Variants in TTC12 observed in about 807,000 individuals in gnomAD.
TTC12 encodes the protein tetratricopeptide repeat protein 12.
In TTC12, 70 loss-of-function variants were observed where a neutral mutation model predicts 90.1. That is an observed-to-expected ratio of 0.78 (90% CI 0.64 to 0.95). The LOEUF (loss-of-function observed/expected upper bound fraction) is 0.95, where lower values mean the gene tolerates loss of function less well. Among genes scored for constraint, TTC12 ranks in the 40% least tolerant of loss-of-function variants. The pLI is 0.00. For missense variants in TTC12, 819 were observed against 846.1 expected (o/e 0.97, Z 0.40); for synonymous variants, 296 against 311.5 (o/e 0.95, Z 0.53).
chr11:113,344,356 G>A lies in TTC12; in HGVS notation c.1070G>A (p.Arg357Gln), dbSNP rs538682525. 72 of 1,614,096 alleles carry A rather than the reference G, an allele frequency of 4.5e-5. No individual in the cohort carries two copies. The highest frequency in any genetic ancestry group is 3.3e-4 in the Middle Eastern group (2 of 6,062). Residue 357 changes from arginine (R) to glutamine (Q), a missense_variant, in exon 13 of 22, where the codon CGG becomes CAG. Physicochemically the swap from Arg to Gln is conservative, Grantham distance 43. Transcript: ENST00000529221. ...TTGTCCTCCAAGGTCCTGGCCATCC[G>A]GCAGCAGAGCTTTGCCCTGCTGCTG... is the stretch of plus-strand genomic sequence containing the variant. Reference protein sequence around the residue: ...ALLSSKVLAIRQQSFALLLHL... With the variant: ...ALLSSKVLAIQQQSFALLLHL...
intron 18 of TTC12, 61 bp downstream of exon 18, chr11:113,360,069 G>A: frequency 8.2e-7 from 1 of 1,222,722 alleles, no homozygotes; most frequent in East Asian, 2.4e-5. Flanking sequence ...GTTTTGTTTT[G>A]TTTTGTTTTA....
chr11:113,364,469 T>TC, intron 20 of TTC12: 1 of 305,948 alleles, frequency 3.3e-6, no homozygotes, highest in South Asian at 3.5e-5. Context: ...AGGTGTAGGT[T>TC]GCTGGCACAT....
intron 8 of TTC12, among the ~76,000 whole-genome samples, chr11:113,337,314 C>CA (rs1948428352): frequency 6.6e-6 from 1 of 151,894 alleles, no homozygotes; most frequent in East Asian, 1.9e-4. Context: ...GACCAGGAGA[C>CA]AAAAAACAAT....
At chr11:113,370,352 G>A (rs1950348333), downstream of TTC12, among the ~76,000 whole-genome samples, 1 of 152,200 alleles carries the variant, frequency 6.6e-6, no homozygotes, top group Non-Finnish European at 1.5e-5. Flanking sequence ...AAGCCCCAGA[G>A]CTGCATCCCC....
rs1461194255 is a variant in TTC12, at chr11:113,351,283, C to A, written c.1292C>A (p.Ala431Glu). ...FQANLPGVLP[A>E]LTGVLKTDPK... ...GCCAACCTTCCAGGTGTTCTCCCTG[C>A]ACTCACAGGCGTTCTGGTGAGCAAA... Residue 431 changes from alanine (A) to glutamate (E), a missense_variant, in exon 15 of 22, where the codon GCA becomes GAA. By Grantham distance (107) the Ala-to-Glu change is moderately radical. Coordinates refer to ENST00000529221, the MANE Select transcript of TTC12 (RefSeq NM_017868.4). The A allele has an allele frequency of 1.2e-6, 2 of 1,613,926 alleles. No individual in the cohort carries two copies. Among genetic ancestry groups the A allele is most frequent in the African/African-American group, 2.7e-5 (2 of 74,938 alleles).
intron 7 of TTC12, among the ~76,000 whole-genome samples, chr11:113,333,688 C>T (rs1036290741): frequency 6.6e-5 from 10 of 152,092 alleles, no homozygotes; most frequent in African/African-American, 1.9e-4. Flanking sequence ...CAGTGCCTGG[C>T]ACATGGTTTG....
At chr11:113,371,294 T>C (rs761427390), downstream of TTC12, 2 of 152,218 alleles carry the variant, frequency 1.3e-5, no homozygotes, top group African/African-American at 2.4e-5. Context: ...CTTTAAATCA[T>C]CTCTAGATTG....
intron 16 of TTC12, among the ~76,000 whole-genome samples, chr11:113,353,496 G>A (rs868956030): frequency 6.6e-6 from 1 of 152,146 alleles, no homozygotes; most frequent in East Asian, 1.9e-4. Context: ...TTTTGCTTTG[G>A]TTGCGATTGC....
At chr11:113,319,131 A>G (rs1555137089) in intron 2 of TTC12, among the ~76,000 whole-genome samples, 1 of 152,228 alleles carries the variant, frequency 6.6e-6, no homozygotes, top group Non-Finnish European at 1.5e-5. Flanking sequence ...GATAAATCAC[A>G]CTGATGGCAT....
At chr11:113,365,087 G>C (rs1418637397) in intron 21 of TTC12, 27 bp downstream of exon 21, 15 of 1,602,110 alleles carry the variant, frequency 9.4e-6, no homozygotes, top group Non-Finnish European at 1.3e-5. Context: ...GAGCCAGGCT[G>C]ACCTATTGCA....
At chr11:113,333,427 AGTAGCATTTTCT>A (rs1171319995) in intron 7 of TTC12, among the ~76,000 whole-genome samples, 87 of 152,230 alleles carry the variant, frequency 5.7e-4, no homozygotes, top group African/African-American at 2.0e-3. Flanking sequence ...GATTTTTTTC[AGTAGCATTTTCT>A]GTAGCATTTA....
intron 7 of TTC12, among the ~76,000 whole-genome samples, 195 bp from the exon 8 acceptor site, chr11:113,334,771 G>A (rs1160434909): frequency 6.6e-6 from 1 of 152,118 alleles, no homozygotes; most frequent in Non-Finnish European, 1.5e-5. Context: ...ATTTGGTGAA[G>A]AGCTTGCTGC....
Position 113,325,630 on chromosome 11 carries a change from C to T in TTC12, c.429C>T (p.Tyr143=), listed in dbSNP as rs202083453. The T allele has an allele frequency of 1.4e-5, 23 of 1,613,944 alleles. No homozygotes were observed. In the East Asian group the frequency reaches 5.1e-4, roughly 36 times the overall value. The change falls in exon 6 of 22, where the codon TAC becomes TAT. Residue 143 remains tyrosine (Y), a synonymous_variant. Coordinates refer to ENST00000529221, the MANE Select transcript of TTC12 (RefSeq NM_017868.4). ...AGCTGAAGGACATGAAAGTGCTGTA[C>T]ACCAACCGAGCCCAGGTCAGTGAGG... ...LEKLKDMKVL[Y]TNRAQAYMKL...
intron 1 of TTC12, chr11:113,316,008 C>T (rs1946917094): frequency 2.9e-6 from 1 of 341,888 alleles, no homozygotes. Context: ...AGAGCGTTTT[C>T]TGCACTGGAA....
intron 14 of TTC12, among the ~76,000 whole-genome samples, chr11:113,350,388 A>T (rs1949203540): frequency 6.6e-6 from 1 of 152,164 alleles, no homozygotes; most frequent in Non-Finnish European, 1.5e-5. Context: ...TGGGTTTGGA[A>T]GCAGCAGCAT....
At chr11:113,341,951 C>T (rs1387450362) in intron 12 of TTC12, 26 bp downstream of exon 12, 1 of 1,577,494 alleles carries the variant, frequency 6.3e-7, no homozygotes, top group East Asian at 2.2e-5. Context: ...CACCGTTGAT[C>T]ACCATTAATG....
At position 113,352,112 on chromosome 11, in the gene TTC12, T is replaced by G; in HGVS notation, c.1351T>G (p.Cys451Gly). ...AAGCAGCTCCTCGGCTCTGTGCCAG[T>G]GCATTGCCATCATGGGAAACCTCAG... ...KVSSSSALCQ[C>G]IAIMGNLSAE... Residue 451 changes from cysteine (C) to glycine (G), a missense_variant, in exon 16 of 22, where the codon TGC becomes GGC. Physicochemically the swap from Cys to Gly is radical, Grantham distance 159 (BLOSUM62 -3). Coordinates refer to ENST00000529221, the MANE Select transcript of TTC12 (RefSeq NM_017868.4). 6.2e-7 allele frequency: 1 copy of G among 1,614,228 alleles called. No individual in the cohort carries two copies. The highest frequency in any genetic ancestry group is 8.5e-7 in the Non-Finnish European group (1 of 1,180,038).
chr11:113,341,774 A>G, intron 11 of TTC12, 63 bp from the exon 12 acceptor site: 1 of 1,336,000 alleles, frequency 7.5e-7, no homozygotes, highest in Non-Finnish European at 1.1e-6. Flanking sequence ...ATAAAACCAA[A>G]TGGAAAAGAA....
intron 10 of TTC12, 77 bp downstream of exon 10, chr11:113,339,551 C>A: frequency 7.9e-7 from 1 of 1,269,910 alleles, no homozygotes; most frequent in Non-Finnish European, 1.1e-6. Context: ...CTTTACCAGG[C>A]CAAGAATCCC....
Sources: allele counts gnomAD v4.1 joint callset (sites outside exome capture counted in the v4.1 genomes callset), GRCh38; gene constraint gnomAD v4.1.1; transcripts MANE v1.5; gene names NCBI Gene and HGNC (gene_info 2026-07-23, HGNC 2026-07-21).